Variants in MAP2K4 observed in about 807,000 individuals in gnomAD.
The protein encoded by MAP2K4 is dual specificity mitogen-activated protein kinase kinase 4.
Under a neutral mutation model 48.5 loss-of-function variants are expected in MAP2K4, and 4 were observed. The observed-to-expected ratio is 0.08, with a 90% CI of 0.04 to 0.19. MAP2K4 has a LOEUF of 0.19. Among genes scored for constraint, MAP2K4 ranks in the 10% least tolerant of loss-of-function variants. The pLI, the probability that MAP2K4 is intolerant of heterozygous loss-of-function variation, is 1.00. For synonymous variants in MAP2K4, 166 were observed against 173.1 expected, an observed-to-expected ratio of 0.96 and a Z score of 0.32; for missense variants, 258 against 493.3, an observed-to-expected ratio of 0.52 and a Z score of 4.52.
chr17:12,059,136 TATAA>T, intron 2 of MAP2K4, among the ~76,000 whole-genome samples: 1 of 152,218 alleles, frequency 6.6e-6, no homozygotes, highest in Non-Finnish European at 1.5e-5. Context: ...AAATGCATAT[TATAA>T]TAGAGACTCT....
chr17:12,057,332 A>G (rs12949038), intron 2 of MAP2K4, among the ~76,000 whole-genome samples: 27,027 of 152,164 alleles, frequency 0.18, 2,656 homozygotes, highest in South Asian at 0.3. Flanking sequence ...TGAGTGAAGA[A>G]GACAAGGGAC....
chr17:12,091,276 G>A (rs1177883191), intron 3 of MAP2K4, among the ~76,000 whole-genome samples: 1 of 152,232 alleles, frequency 6.6e-6, no homozygotes, highest in East Asian at 1.9e-4. Flanking sequence ...CAGGTGCCAT[G>A]TTGCACAAAA....
chr17:12,030,586 G>A (rs1257687132), intron 1 of MAP2K4, among the ~76,000 whole-genome samples: 2 of 152,298 alleles, frequency 1.3e-5, no homozygotes, highest in Non-Finnish European at 2.9e-5. Flanking sequence ...GCGACATTCT[G>A]TCATTCTCAG....
intron 2 of MAP2K4, among the ~76,000 whole-genome samples, chr17:12,070,472 G>A (rs1391968253): frequency 1.3e-5 from 2 of 152,124 alleles, no homozygotes; most frequent in Admixed American, 1.3e-4. Flanking sequence ...ATTCTGAAAT[G>A]TATCTTGAGA....
intron 3 of MAP2K4, among the ~76,000 whole-genome samples, chr17:12,084,820 CAGTT>C (rs1971305937): frequency 6.6e-6 from 1 of 152,074 alleles, no homozygotes; most frequent in East Asian, 1.9e-4. Context: ...TTTGAAGAGG[CAGTT>C]AGGATTAGGT....
chr17:12,055,040 G>GT, intron 2 of MAP2K4, 49 bp downstream of exon 2: 3 of 1,192,796 alleles, frequency 2.5e-6, no homozygotes, highest in Non-Finnish European at 3.7e-6. Flanking sequence ...AGATTTTAAA[G>GT]TTACTGTATT....
At chr17:12,040,641 TGCTTAGAATGCTCAGATCCTTCAGG>T (rs1969748549) in intron 1 of MAP2K4, among the ~76,000 whole-genome samples, 2 of 152,224 alleles carry the variant, frequency 1.3e-5, no homozygotes, top group Admixed American at 6.5e-5. Context: ...TTGTGTTCAG[TGCTTAGAATGCTCAGATCCTTCAGG>T]GCATTGCCTT....
chr17:12,086,379 T>C (rs1362691724), intron 3 of MAP2K4, among the ~76,000 whole-genome samples: 1 of 152,196 alleles, frequency 6.6e-6, no homozygotes, highest in Non-Finnish European at 1.5e-5. Flanking sequence ...GTGGCAGGGC[T>C]GGCCTCTAGG....
chr17:12,135,139 A>G (rs1156410406), intron 9 of MAP2K4, among the ~76,000 whole-genome samples: 1 of 152,000 alleles, frequency 6.6e-6, no homozygotes, highest in Non-Finnish European at 1.5e-5. Context: ...CCCAGGCTGG[A>G]GTGCAATGGC....
chr17:12,108,025 T>A (rs1385701606), intron 5 of MAP2K4, 116 bp downstream of exon 5: 20 of 958,936 alleles, frequency 2.1e-5, no homozygotes, highest in Non-Finnish European at 2.8e-5. Context: ...AAATAATTCA[T>A]AGTTAATAAC....
intron 7 of MAP2K4, among the ~76,000 whole-genome samples, chr17:12,116,366 G>A (rs2151580063): frequency 6.6e-6 from 1 of 152,192 alleles, no homozygotes; most frequent in African/African-American, 2.4e-5. Context: ...TGCAGGCCTA[G>A]GATGCTACTG....
chr17:12,141,002 C>T (rs369616544), intron 10 of MAP2K4, 145 bp from the exon 11 acceptor site: 4 of 629,418 alleles, frequency 6.4e-6, no homozygotes, highest in South Asian at 3.8e-5. Flanking sequence ...AGGCTGTACT[C>T]GCCTCTCTGA....
intron 1 of MAP2K4, among the ~76,000 whole-genome samples, chr17:12,039,236 G>A (rs956499462): frequency 1.3e-5 from 2 of 152,224 alleles, no homozygotes; most frequent in African/African-American, 2.4e-5. Flanking sequence ...TGTGAAGTCA[G>A]TGGACAAGGT....
rs142804489 is a variant in MAP2K4, at chr17:12,048,105, C to T, written c.116-6784C>T. ...CTGCTTTTGAACTCATGGGCGCAAA[C>T]GATCCTTTTGCTTTGGCCTCCCAAA... On this transcript the variant is annotated intron_variant, in intron 1 of 10. Transcript: ENST00000353533. Among the ~76,000 whole-genome samples the T allele has an allele frequency of 3.9e-3, 601 of 152,228 alleles. 1 individual carries two copies. Among genetic ancestry groups the T allele is most frequent in the Non-Finnish European group, 6.2e-3 (421 of 68,024 alleles).
rs575309080 is a variant in MAP2K4 at position 12,143,421 on chromosome 17, G to T, written c.*2161G>T. The T allele has an allele frequency of 2.6e-5, 6 of 232,644 alleles. No individual in the cohort carries two copies. The South Asian group carries it at 5.4e-4, about 21-fold the overall frequency. 14.4% of individuals were successfully genotyped at this position (232,644 alleles called of 1,614,324 possible). On this transcript the variant is annotated 3_prime_UTR_variant, in exon 11 of 11. Transcript: ENST00000353533. ...AATGTATCTTTATTAAAACAAAAGG[G>T]TGTATAGTGTTCACAAACTGTGAAA...
chr17:12,132,537 A>C (rs564634548), intron 9 of MAP2K4, among the ~76,000 whole-genome samples: 130 of 151,668 alleles, frequency 8.6e-4, no homozygotes, highest in Middle Eastern at 6.8e-3. Context: ...AAGTCAGAAT[A>C]TTGTTACTTT....
chr17:12,097,966 C>T (rs1314275261), intron 4 of MAP2K4, among the ~76,000 whole-genome samples: 6 of 152,122 alleles, frequency 3.9e-5, no homozygotes, highest in Non-Finnish European at 2.9e-5. Flanking sequence ...GAACTTTCCT[C>T]CCAAATCAGA....
At chr17:12,058,231 T>C (rs970196286) in intron 2 of MAP2K4, among the ~76,000 whole-genome samples, 9 of 123,516 alleles carry the variant, frequency 7.3e-5, no homozygotes, top group South Asian at 2.4e-4. Flanking sequence ...ACCTTTCTTT[T>C]TTTTTTTTTT....
chr17:12,055,209 T>C (rs1970247726), intron 2 of MAP2K4, among the ~76,000 whole-genome samples: 1 of 152,134 alleles, frequency 6.6e-6, no homozygotes, highest in African/African-American at 2.4e-5. Flanking sequence ...TTTCACCACT[T>C]AGTGACAAAA....
Sources: gnomAD v4.1 joint callset for allele counts (sites outside exome capture counted in the v4.1 genomes callset) on GRCh38, gnomAD v4.1.1 for gene constraint, MANE v1.5 for transcripts, NCBI Gene and HGNC (gene_info 2026-07-23, HGNC 2026-07-21) for gene names.